The following DAB1 variants were observed in gnomAD, a reference collection of about 807,000 sequenced individuals.
DAB1 encodes disabled homolog 1.
In DAB1, 15 loss-of-function variants were observed where a neutral mutation model predicts 64.6. The observed-to-expected ratio is 0.23, with a 90% CI of 0.16 to 0.36. DAB1 has a LOEUF of 0.36. Among genes scored for constraint, DAB1 ranks in the 10% least tolerant of loss-of-function variants. DAB1 has a pLI of 1.00. For synonymous variants in DAB1, 235 were observed against 251.9 expected (o/e 0.93, Z 0.64); for missense variants, 596 against 706.7 (o/e 0.84, Z 1.78).
At chr1:57,873,409 G>A (rs1028777313) in intron 1 of DAB1, among the ~76,000 whole-genome samples, 2 of 152,102 alleles carry the variant, frequency 1.3e-5, no homozygotes. Context: ...ACCTTGTACT[G>A]GAGTAGATGA....
intron 1 of DAB1, among the ~76,000 whole-genome samples, chr1:57,325,972 C>T (rs1676116102): frequency 6.6e-6 from 1 of 152,126 alleles, no homozygotes; most frequent in Admixed American, 6.5e-5. Context: ...AATTGCTTGA[C>T]TTCTTTCCAG....
intron 9 of DAB1, among the ~76,000 whole-genome samples, chr1:57,033,037 G>A (rs1647014817): frequency 6.6e-6 from 1 of 152,134 alleles, no homozygotes; most frequent in South Asian, 2.1e-4. Flanking sequence ...ATGTTACACT[G>A]TGAGCTTCTT....
chr1:57,447,350 A>G (rs1686179287), intron 7 of DAB1, among the ~76,000 whole-genome samples: 1 of 152,084 alleles, frequency 6.6e-6, no homozygotes, highest in Admixed American at 6.5e-5. Flanking sequence ...CTTTCCAGTA[A>G]CTCTGATCAC....
chr1:57,387,702 G>T (rs1162903425), intron 1 of DAB1, among the ~76,000 whole-genome samples: 1 of 151,626 alleles, frequency 6.6e-6, no homozygotes, highest in African/African-American at 2.4e-5. Flanking sequence ...CACACCTGTA[G>T]TCCCAGCTAC....
At chr1:57,738,158 C>G (rs1400317501) in intron 6 of DAB1, among the ~76,000 whole-genome samples, 2 of 152,170 alleles carry the variant, frequency 1.3e-5, no homozygotes, top group Non-Finnish European at 2.9e-5. Context: ...GCGACCTTCA[C>G]CAAATAAATG....
At chr1:57,212,799 G>A (rs983076982) in intron 2 of DAB1, among the ~76,000 whole-genome samples, 12 of 152,208 alleles carry the variant, frequency 7.9e-5, no homozygotes, top group African/African-American at 2.9e-4. Context: ...ATTCAAATAG[G>A]TGCCCTGTCT....
At chr1:57,118,657 A>T (rs1218129697) in intron 4 of DAB1, among the ~76,000 whole-genome samples, 2 of 152,238 alleles carry the variant, frequency 1.3e-5, no homozygotes, top group African/African-American at 4.8e-5. Context: ...TGCCTTGTGC[A>T]CATTCCTTAA....
rs59343254 is a variant in DAB1, at chr1:57,102,208, GTCTCTGTCTCAGTCTCTCTCTCTT to G, written c.307-29818_307-29795del. 2.6e-3 allele frequency among the ~76,000 whole-genome samples: 401 copies of G among 152,272 alleles called. 3 individuals carry two copies. Among genetic ancestry groups the G allele is most frequent in the African/African-American group, 9.3e-3 (385 of 41,560 alleles). ...CATTCTTCTCTCTTTCTCTGTCTCTGTCTCTGTCTCAGTCTCTCTCTCTTTCTCTGAGCCATCACAAACAATTGC... is the reference window on the plus strand; with the variant it reads ...CATTCTTCTCTCTTTCTCTGTCTCTGTCTCTGAGCCATCACAAACAATTGC... On this transcript the variant is annotated intron_variant, in intron 4 of 14. Transcript: ENST00000371236.
At chr1:57,779,963 G>T (rs1401276086) in intron 6 of DAB1, among the ~76,000 whole-genome samples, 12 of 152,064 alleles carry the variant, frequency 7.9e-5, no homozygotes, top group Non-Finnish European at 1.2e-4. Context: ...TCCCCACCTT[G>T]CTTACAAATG....
intron 6 of DAB1, among the ~76,000 whole-genome samples, chr1:57,783,191 C>A (rs1292785839): frequency 6.7e-6 from 1 of 148,728 alleles, no homozygotes; most frequent in South Asian, 2.1e-4. Flanking sequence ...CTCACTGCAG[C>A]ATCGACCTCC....
At chr1:58,509,434 T>C (rs1442134330) in intron 2 of DAB1, among the ~76,000 whole-genome samples, 1 of 141,930 alleles carries the variant, frequency 7.0e-6, no homozygotes, top group Non-Finnish European at 1.5e-5. Context: ...AAAAAGAAAA[T>C]GATTTTGAGA....
At chr1:57,606,772 A>C (rs1168812282) in intron 7 of DAB1, among the ~76,000 whole-genome samples, 2 of 91,790 alleles carry the variant, frequency 2.2e-5, no homozygotes, top group Non-Finnish European at 4.0e-5. Flanking sequence ...ATTATATATA[A>C]ATATATTTTA....
At chr1:57,993,117 A>G (rs984495508) in intron 5 of DAB1, among the ~76,000 whole-genome samples, 7 of 152,004 alleles carry the variant, frequency 4.6e-5, no homozygotes, top group African/African-American at 1.7e-4. Context: ...CTCACTTAAC[A>G]CTTTCATGAG....
intron 7 of DAB1, among the ~76,000 whole-genome samples, chr1:57,489,994 G>A (rs1644142051): frequency 6.6e-6 from 1 of 152,156 alleles, no homozygotes; most frequent in Admixed American, 6.5e-5. Context: ...TGAATGGGAT[G>A]ATTGCCCTTC....
intron 4 of DAB1, among the ~76,000 whole-genome samples, chr1:58,296,317 C>G (rs1023319275): frequency 9.2e-5 from 14 of 152,150 alleles, no homozygotes; most frequent in Admixed American, 2.6e-4. Flanking sequence ...ATAGAGCCTT[C>G]TGGTAGATAC....
chr1:57,843,164 A>G (rs1361503230), intron 1 of DAB1, among the ~76,000 whole-genome samples: 4 of 152,372 alleles, frequency 2.6e-5, no homozygotes, highest in Middle Eastern at 3.4e-3. Context: ...TCTAAAAATC[A>G]TAAGTTGAAC....
chr1:57,001,172 T>C (rs944276361), intron 14 of DAB1, among the ~76,000 whole-genome samples: 1 of 152,230 alleles, frequency 6.6e-6, no homozygotes, highest in Non-Finnish European at 1.5e-5. Context: ...TAAAGAATCA[T>C]TGGATTCAGA....
chr1:58,173,471 CA>C (rs1656289141), intron 4 of DAB1, among the ~76,000 whole-genome samples: 1 of 152,164 alleles, frequency 6.6e-6, no homozygotes, highest in Non-Finnish European at 1.5e-5. Context: ...CCCCCTGCAG[CA>C]GCGACCCCAC....
At chr1:58,126,699 A>G (rs1045173469) in intron 5 of DAB1, among the ~76,000 whole-genome samples, 4 of 150,990 alleles carry the variant, frequency 2.6e-5, no homozygotes, top group African/African-American at 9.8e-5. Flanking sequence ...AGGAGTGAGA[A>G]TATGCGGTGT....
Sources: allele counts gnomAD v4.1 joint callset (sites outside exome capture counted in the v4.1 genomes callset), GRCh38; gene constraint gnomAD v4.1.1; transcripts MANE v1.5; gene names NCBI Gene and HGNC (gene_info 2026-07-23, HGNC 2026-07-21).